The following HSD17B12 variants were observed in gnomAD, a reference collection of about 807,000 sequenced individuals.
HSD17B12 encodes the protein hydroxysteroid 17-beta dehydrogenase 12.
In HSD17B12, 32 loss-of-function variants were observed where a neutral mutation model predicts 39.3. That is an observed-to-expected ratio of 0.81 (90% CI 0.61 to 1.09). The LOEUF (loss-of-function observed/expected upper bound fraction) is 1.09. Among genes scored for constraint, HSD17B12 ranks in the 50% least tolerant of loss-of-function variants. HSD17B12 has a pLI of 0.00. For missense variants in HSD17B12, 342 were observed against 382.9 expected (o/e 0.89, Z 0.89); for synonymous variants, 150 against 146.7 (o/e 1.02, Z -0.16).
At chr11:43,607,546 G>A in the HSD17B12 span, among the ~76,000 whole-genome samples, 37 of 152,094 alleles carry the variant, frequency 2.4e-4, no homozygotes, top group Non-Finnish European at 4.6e-4. Context: ...TGGTCCAAAT[G>A]CCCTTACAAA....
chr11:43,598,277 C>G, the HSD17B12 span, among the ~76,000 whole-genome samples: 2 of 152,154 alleles, frequency 1.3e-5, no homozygotes, highest in African/African-American at 4.8e-5. Flanking sequence ...AATCCTGCAC[C>G]CGTTAAGTGT....
chr11:43,575,525 C>G, the HSD17B12 span, among the ~76,000 whole-genome samples: 2 of 152,240 alleles, frequency 1.3e-5, no homozygotes, highest in East Asian at 3.9e-4. The surrounding 1 kb of genome is among the most constrained non-coding windows in gnomAD (Gnocchi z 4.1). Flanking sequence ...GGCTGTCCTG[C>G]TGGGCACGCC....
At chr11:43,671,958 T>C in the HSD17B12 span, among the ~76,000 whole-genome samples, 1 of 152,262 alleles carries the variant, frequency 6.6e-6, no homozygotes, top group African/African-American at 2.4e-5. Flanking sequence ...TTCAGCTTTA[T>C]TTGGGAAATA....
At chr11:43,558,454 C>T in the HSD17B12 span, among the ~76,000 whole-genome samples, 1 of 151,880 alleles carries the variant, frequency 6.6e-6, no homozygotes, top group African/African-American at 2.4e-5. Flanking sequence ...AAGCAGGCAG[C>T]ACTCTCAGCT....
chr11:43,847,715 C>CAAAAAAAAAAAAAAAA (rs749195210), intron 9 of HSD17B12, among the ~76,000 whole-genome samples: 8 of 85,696 alleles, frequency 9.3e-5, no homozygotes, highest in African/African-American at 3.3e-4. Context: ...CTCTGCCTCA[C>CAAAAAAAAAAAAAAAA]AAAAAAAAAA....
intron 1 of HSD17B12, among the ~76,000 whole-genome samples, chr11:43,719,523 C>T (rs145538727): frequency 1.1e-3 from 169 of 151,894 alleles, no homozygotes; most frequent in Non-Finnish European, 2.2e-3. Flanking sequence ...GGCTGGCTTT[C>T]AGGTAGCATT....
chr11:43,644,803 T>A, the HSD17B12 span: 1 of 152,470 alleles, frequency 6.6e-6, no homozygotes, highest in Non-Finnish European at 1.5e-5. Flanking sequence ...TGGCTTTCCC[T>A]TGCATGTGGT....
At chr11:43,730,246 T>C (rs1950256448) in intron 1 of HSD17B12, among the ~76,000 whole-genome samples, 2 of 152,238 alleles carry the variant, frequency 1.3e-5, no homozygotes, top group South Asian at 2.1e-4. Context: ...TTTCTGACTA[T>C]TGGTCAATCC....
At chr11:43,740,001 G>C (rs984969281) in intron 1 of HSD17B12, among the ~76,000 whole-genome samples, 13 of 152,154 alleles carry the variant, frequency 8.5e-5, no homozygotes, top group African/African-American at 2.9e-4. Flanking sequence ...TTGGAGAGGA[G>C]TAAGAACGGG....
At chr11:43,595,072 T>A in the HSD17B12 span, among the ~76,000 whole-genome samples, 4 of 152,152 alleles carry the variant, frequency 2.6e-5, no homozygotes, top group African/African-American at 9.7e-5. Context: ...GCACAAATAT[T>A]AACTATAAAT....
chr11:43,823,142 A>G (rs1395158089), intron 6 of HSD17B12, among the ~76,000 whole-genome samples: 1 of 152,072 alleles, frequency 6.6e-6, no homozygotes, highest in Non-Finnish European at 1.5e-5. Context: ...TGGGGGCTTG[A>G]AACCATTTCT....
At chr11:43,694,085 T>C (rs1184254365) in intron 1 of HSD17B12, among the ~76,000 whole-genome samples, 1 of 152,210 alleles carries the variant, frequency 6.6e-6, no homozygotes, top group East Asian at 1.9e-4. Flanking sequence ...TTTAATAAAA[T>C]GTTACTGTAA....
At chr11:43,767,926 C>T (rs1477768785) in intron 3 of HSD17B12, among the ~76,000 whole-genome samples, 1 of 152,192 alleles carries the variant, frequency 6.6e-6, no homozygotes. Context: ...TTTTATGGAA[C>T]ACTTAATCAT....
At chr11:43,749,349 A>C (rs1373663288) in intron 1 of HSD17B12, among the ~76,000 whole-genome samples, 1 of 152,196 alleles carries the variant, frequency 6.6e-6, no homozygotes, top group Non-Finnish European at 1.5e-5. Flanking sequence ...GTCTTTTGAA[A>C]CATTTGGCAG....
the HSD17B12 span, among the ~76,000 whole-genome samples, chr11:43,562,653 A>G: frequency 6.6e-6 from 1 of 152,188 alleles, no homozygotes; most frequent in Non-Finnish European, 1.5e-5. Context: ...CATTTCTACC[A>G]TATGCTTTTT....
intron 3 of HSD17B12, among the ~76,000 whole-genome samples, chr11:43,756,299 A>G (rs1309711416): frequency 1.3e-5 from 2 of 152,098 alleles, no homozygotes; most frequent in Non-Finnish European, 2.9e-5. Flanking sequence ...GATATACAAT[A>G]TATCTTTGGC....
chr11:43,798,270 A>G, intron 3 of HSD17B12, 50 bp from the exon 4 acceptor site: 3 of 1,032,174 alleles, frequency 2.9e-6, no homozygotes, highest in Non-Finnish European at 4.6e-6. Flanking sequence ...CTTCACTGCC[A>G]TGTACTAATT....
chr11:43,791,541 A>G (rs1449157543), intron 3 of HSD17B12, among the ~76,000 whole-genome samples: 1 of 151,988 alleles, frequency 6.6e-6, no homozygotes, highest in South Asian at 2.1e-4. Flanking sequence ...CAAAAAAAAA[A>G]AAGAAGAAGA....
upstream of HSD17B12, among the ~76,000 whole-genome samples, chr11:43,675,919 C>A (rs1446515796): frequency 6.6e-6 from 1 of 152,106 alleles, no homozygotes; most frequent in East Asian, 1.9e-4. Flanking sequence ...TGAGACCAGC[C>A]TGGCCAACAT....
Sources: gnomAD v4.1 joint callset for allele counts (sites outside exome capture counted in the v4.1 genomes callset) on GRCh38, gnomAD v4.1.1 for gene constraint, Gnocchi (gnomAD v3.1) non-coding constraint, MANE v1.5 for transcripts, NCBI Gene and HGNC (gene_info 2026-07-23, HGNC 2026-07-21) for gene names.